PPARGC1B: variants seen among roughly 807,000 people sequenced by gnomAD.
PPARGC1B encodes the protein PPARG coactivator 1 beta.
PPARGC1B carries 34 observed loss-of-function variants against 101.6 expected under a neutral mutation model. The observed-to-expected ratio is 0.33, with a 90% CI of 0.25 to 0.45. PPARGC1B has a LOEUF of 0.45. Ranked by LOEUF, PPARGC1B falls within the 20% of genes least tolerant of loss-of-function variation. The probability of loss-of-function intolerance (pLI) is 1.00; values close to 1 mark genes in which losing one functional copy is unlikely to be tolerated. For missense variants in PPARGC1B, 1,234 were observed against 1,317.6 expected (o/e 0.94, Z 0.98); for synonymous variants, 548 against 539.3 (o/e 1.02, Z -0.22).
chr5:149,809,729 G>A (rs1051749536), intron 1 of PPARGC1B, among the ~76,000 whole-genome samples: 5 of 144,688 alleles, frequency 3.5e-5, no homozygotes, highest in African/African-American at 1.3e-4. Context: ...TCAATTTCAT[G>A]TTATTTATAT....
rs746315250 is a variant in PPARGC1B, at chr5:149,842,308, G to A, written c.2747G>A (p.Arg916Gln). ...AATCTCTCCAGCGACATGAGCTCCC[G>A]AGAGCTGAAGAGGCGCTTTGAAGTG... is the stretch of plus-strand genomic sequence containing the variant. ...IQNLSSDMSS[R>Q]ELKRRFEVFG... The change falls in exon 10 of 12, where the codon CGA becomes CAA. Residue 916 changes from arginine to glutamine, a missense_variant. Transcript: ENST00000309241. 9.3e-6 allele frequency: 15 copies of A among 1,614,078 alleles called. No homozygotes were observed. Among genetic ancestry groups the A allele is most frequent in the East Asian group, 2.2e-5 (1 of 44,898 alleles).
intron 2 of PPARGC1B, among the ~76,000 whole-genome samples, chr5:149,825,551 C>T (rs746577582): frequency 2.0e-5 from 3 of 152,222 alleles, no homozygotes; most frequent in Non-Finnish European, 4.4e-5. Context: ...TCTGGGACCA[C>T]CCTCAAGAGC....
rs570080774 is a variant in PPARGC1B at position 149,838,476 on chromosome 5, A to G, written c.2618+1403A>G. Among the ~76,000 whole-genome samples the G allele has an allele frequency of 1.4e-4, 22 of 152,250 alleles. 3 individuals carry two copies. The South Asian group carries it at 3.9e-3, about 27-fold the overall frequency. Reference sequence around the variant, plus strand: ...GTAGCTTCTGCCCTACAGTGGTCCAATGTCAAAGGTTTGGCTTCAGCCTTG... The same window carrying G: ...GTAGCTTCTGCCCTACAGTGGTCCAGTGTCAAAGGTTTGGCTTCAGCCTTG... On this transcript the variant is annotated intron_variant, in intron 8 of 11. Transcript: ENST00000309241.
intron 8 of PPARGC1B, 51 bp from the exon 9 acceptor site, chr5:149,839,990 C>G (rs1369861287): frequency 2.5e-6 from 4 of 1,580,284 alleles, no homozygotes; most frequent in Non-Finnish European, 2.6e-6. Context: ...GCCCCCACCC[C>G]CATGGTATCT....
At chr5:149,827,276 T>G (rs2113378812) in intron 3 of PPARGC1B, among the ~76,000 whole-genome samples, 1 of 152,382 alleles carries the variant, frequency 6.6e-6, no homozygotes, top group South Asian at 2.1e-4. Flanking sequence ...TGCTTTTTCC[T>G]GTCCCAGAGG....
intron 3 of PPARGC1B, among the ~76,000 whole-genome samples, chr5:149,830,030 CAAAAAAAAAAAAAAAAAAAA>C (rs60711433): frequency 2.9e-5 from 1 of 34,264 alleles, no homozygotes; most frequent in Non-Finnish European, 5.7e-5. Context: ...GACTGCATCT[CAAAAAAAAAAAAAAAAAAAA>C]AAAAGAAAAA....
chr5:149,757,592 G>T (rs796681458), intron 1 of PPARGC1B, among the ~76,000 whole-genome samples: 2 of 152,196 alleles, frequency 1.3e-5, no homozygotes, highest in South Asian at 4.1e-4. Context: ...TTCCTCGTTG[G>T]CTCTCCAGCT....
intron 1 of PPARGC1B, among the ~76,000 whole-genome samples, chr5:149,749,024 G>C (rs919757596): frequency 3.6e-5 from 4 of 110,392 alleles, no homozygotes; most frequent in African/African-American, 1.5e-4. Context: ...AGGAGTGAGT[G>C]GGGGACATGC....
chr5:149,745,467 C>T (rs1034907658), intron 1 of PPARGC1B, among the ~76,000 whole-genome samples: 1 of 152,180 alleles, frequency 6.6e-6, no homozygotes, highest in African/African-American at 2.4e-5. Context: ...AAAGCTCCCT[C>T]TGATGACACC....
chr5:149,764,887 A>G (rs1317426912), intron 1 of PPARGC1B, among the ~76,000 whole-genome samples: 2 of 152,278 alleles, frequency 1.3e-5, no homozygotes, highest in Non-Finnish European at 2.9e-5. Context: ...AATTTGATCT[A>G]GACTGATCTC....
At chr5:149,798,859 T>G (rs372647714) in intron 1 of PPARGC1B, among the ~76,000 whole-genome samples, 56 of 152,312 alleles carry the variant, frequency 3.7e-4, no homozygotes, top group African/African-American at 1.3e-3. Context: ...ATGTCCATAA[T>G]GTGCTTGGCA....
At position 149,737,777 on chromosome 5, in the gene PPARGC1B, T is replaced by G. The variant is rs1295955395; in HGVS notation, c.78+7357T>G. ...GGGAGGCTGAGGTGGGTGGATCACC[T>G]GAGGTCAGGAGTTCGAGACCAGCCT... On this transcript the variant is annotated intron_variant, in intron 1 of 11. Transcript: ENST00000309241. Among the ~76,000 whole-genome samples the G allele has an allele frequency of 3.9e-5, 6 of 152,302 alleles. No homozygotes were observed. In the East Asian group the frequency reaches 1.2e-3, roughly 29 times the overall value.
chr5:149,753,294 C>T (rs569973396), intron 1 of PPARGC1B, among the ~76,000 whole-genome samples: 44 of 151,992 alleles, frequency 2.9e-4, no homozygotes, highest in Non-Finnish European at 5.6e-4. Context: ...GCAACCTCTG[C>T]CTCCCGGGTT....
At chr5:149,838,353 C>T (rs1370782471) in intron 8 of PPARGC1B, among the ~76,000 whole-genome samples, 3 of 152,184 alleles carry the variant, frequency 2.0e-5, no homozygotes, top group Non-Finnish European at 4.4e-5. Context: ...AGCAATTTCT[C>T]CAGCAAGCCC....
chr5:149,731,419 G>A (rs1031444292), intron 1 of PPARGC1B, among the ~76,000 whole-genome samples: 7 of 152,194 alleles, frequency 4.6e-5, no homozygotes, highest in African/African-American at 1.7e-4. Context: ...TTTTCTCTGG[G>A]CGCCCGGCTG....
chr5:149,790,916 C>A (rs1049650032), intron 1 of PPARGC1B, among the ~76,000 whole-genome samples: 1 of 152,042 alleles, frequency 6.6e-6, no homozygotes, highest in Non-Finnish European at 1.5e-5. Flanking sequence ...GGGTAGGGCC[C>A]AGGACCCTGC....
chr5:149,836,458 T>C lies in PPARGC1B; in HGVS notation c.2003T>C (p.Leu668Pro). The part of the protein sequence containing the change: ...HPERSELLSH[L>P]RHATAQPASQ... ...GAGCGAAGTGAGCTCCTGTCCCACC[T>C]GCGACATGCCACAGCCCAGCCAGCC... The change falls in exon 8 of 12, where the codon CTG becomes CCG. Residue 668 changes from leucine (L) to proline (P), a missense_variant. This residue lies in a region of PPARGC1B where 497 missense variants were observed against 529.5 expected (regional missense o/e 0.94). Coordinates refer to ENST00000309241, the MANE Select transcript of PPARGC1B (RefSeq NM_133263.4). 6.2e-7 allele frequency: 1 copy of C among 1,614,032 alleles called. No individual in the cohort carries two copies. The highest frequency in any genetic ancestry group is 8.5e-7 in the Non-Finnish European group (1 of 1,180,030).
chr5:149,758,916 G>C (rs898620433), intron 1 of PPARGC1B, among the ~76,000 whole-genome samples: 2 of 152,038 alleles, frequency 1.3e-5, no homozygotes, highest in Middle Eastern at 3.4e-3. Flanking sequence ...ATCTTTTCCT[G>C]CTTTGTTTTT....
intron 1 of PPARGC1B, among the ~76,000 whole-genome samples, chr5:149,811,860 C>G (rs1388335658): frequency 6.6e-6 from 1 of 152,222 alleles, no homozygotes; most frequent in Non-Finnish European, 1.5e-5. Flanking sequence ...CCCTGCCTAC[C>G]AGGCAGAGCT....
Sources: gnomAD v4.1 joint callset for allele counts (sites outside exome capture counted in the v4.1 genomes callset) on GRCh38, gnomAD v4.1.1 for gene constraint, gnomAD v4.1.1 regional missense constraint, MANE v1.5 for transcripts, NCBI Gene and HGNC (gene_info 2026-07-23, HGNC 2026-07-21) for gene names.